Variants in ABTB3 observed in about 807,000 individuals in gnomAD.
ABTB3 encodes ankyrin repeat and BTB domain containing 3.
At chr12:107,385,780 T>C in the ABTB3 span, among the ~76,000 whole-genome samples, 2 of 152,212 alleles carry the variant, frequency 1.3e-5, no homozygotes, top group African/African-American at 4.8e-5. Context: ...GGCAGTCTTA[T>C]GAGAATGGGC....
the ABTB3 span, among the ~76,000 whole-genome samples, chr12:107,541,829 G>A: frequency 6.6e-6 from 1 of 151,690 alleles, no homozygotes; most frequent in Non-Finnish European, 1.5e-5. Context: ...TTTACCTGGT[G>A]ACAAAATAAT....
chr12:107,577,342 C>T, the ABTB3 span, among the ~76,000 whole-genome samples: 2 of 152,194 alleles, frequency 1.3e-5, no homozygotes, highest in Non-Finnish European at 2.9e-5. Context: ...CAGTGAGTTA[C>T]GGGCAGATCC....
the ABTB3 span, among the ~76,000 whole-genome samples, chr12:107,601,347 A>G: frequency 5.3e-5 from 8 of 152,246 alleles, no homozygotes; most frequent in Non-Finnish European, 1.0e-4. Flanking sequence ...GTAGAATTGC[A>G]TAATGATGAT....
chr12:107,394,678 A>G, the ABTB3 span, among the ~76,000 whole-genome samples: 2 of 152,192 alleles, frequency 1.3e-5, no homozygotes, highest in Non-Finnish European at 2.9e-5. Context: ...CGGCAAGATA[A>G]TATTTTCCTC....
chr12:107,573,991 G>A, the ABTB3 span, among the ~76,000 whole-genome samples: 112 of 152,274 alleles, frequency 7.4e-4, no homozygotes, highest in African/African-American at 2.3e-3. Context: ...TGTCTTTCTC[G>A]AGTGTTTATA....
At chr12:107,560,804 C>T in the ABTB3 span, among the ~76,000 whole-genome samples, 1 of 152,186 alleles carries the variant, frequency 6.6e-6, no homozygotes, top group Non-Finnish European at 1.5e-5. Flanking sequence ...GTTCATTGCA[C>T]GTGCACTTGG....
the ABTB3 span, among the ~76,000 whole-genome samples, chr12:107,333,051 A>T: frequency 2.0e-5 from 3 of 152,160 alleles, no homozygotes; most frequent in Non-Finnish European, 4.4e-5. Flanking sequence ...GTTGTTAAGG[A>T]AGAACAAGGG....
the ABTB3 span, among the ~76,000 whole-genome samples, chr12:107,597,652 G>T: frequency 6.6e-6 from 1 of 152,188 alleles, no homozygotes; most frequent in Non-Finnish European, 1.5e-5. Context: ...GGTATTTTCT[G>T]AGTTCATGTA....
chr12:107,331,308 G>T, the ABTB3 span, among the ~76,000 whole-genome samples: 1 of 152,172 alleles, frequency 6.6e-6, no homozygotes, highest in Non-Finnish European at 1.5e-5. Flanking sequence ...GGTGCTTCCC[G>T]CCCTCATGGA....
At chr12:107,487,278 A>C in the ABTB3 span, among the ~76,000 whole-genome samples, 1 of 152,164 alleles carries the variant, frequency 6.6e-6, no homozygotes, top group Non-Finnish European at 1.5e-5. Flanking sequence ...TGGGCTCAGC[A>C]AGTGGGTCAA....
At chr12:107,348,284 TACACACACAC>T in the ABTB3 span, among the ~76,000 whole-genome samples, 2 of 151,966 alleles carry the variant, frequency 1.3e-5, no homozygotes, top group African/African-American at 4.8e-5. Context: ...TACTCATATC[TACACACACAC>T]ACGCACACAC....
the ABTB3 span, among the ~76,000 whole-genome samples, chr12:107,370,531 C>G: frequency 6.6e-6 from 1 of 152,186 alleles, no homozygotes; most frequent in Admixed American, 6.5e-5. Context: ...TGCCTGGCTC[C>G]CCTTCCTCTC....
the ABTB3 span, among the ~76,000 whole-genome samples, chr12:107,452,752 A>G: frequency 6.6e-6 from 1 of 152,132 alleles, no homozygotes; most frequent in African/African-American, 2.4e-5. Context: ...GAGGCAGGAG[A>G]ATCATTCGAA....
At chr12:107,559,498 G>A in the ABTB3 span, among the ~76,000 whole-genome samples, 1 of 152,216 alleles carries the variant, frequency 6.6e-6, no homozygotes, top group Non-Finnish European at 1.5e-5. Flanking sequence ...AGAGGGGCCT[G>A]CAGAGAGAAA....
the ABTB3 span, among the ~76,000 whole-genome samples, chr12:107,415,068 G>T: frequency 6.6e-6 from 1 of 152,120 alleles, no homozygotes; most frequent in Non-Finnish European, 1.5e-5. Context: ...GCTTCCGTCT[G>T]AACTTCCAAG....
At chr12:107,351,210 A>G in the ABTB3 span, among the ~76,000 whole-genome samples, 28 of 152,326 alleles carry the variant, frequency 1.8e-4, no homozygotes, top group African/African-American at 6.7e-4. Context: ...CCTCATTCCT[A>G]CCTCATGCAG....
chr12:107,518,420 G>T, the ABTB3 span, among the ~76,000 whole-genome samples: 2 of 152,068 alleles, frequency 1.3e-5, no homozygotes, highest in East Asian at 3.9e-4. Flanking sequence ...ACACTATGCA[G>T]CCATAAAAAA....
the ABTB3 span, among the ~76,000 whole-genome samples, chr12:107,487,715 T>C: frequency 6.6e-6 from 1 of 152,146 alleles, no homozygotes; most frequent in Non-Finnish European, 1.5e-5. Flanking sequence ...AGACCCCAAC[T>C]ATATTTTTGC....
chr12:107,398,277 C>A, the ABTB3 span, among the ~76,000 whole-genome samples: 6 of 152,160 alleles, frequency 3.9e-5, no homozygotes, highest in Admixed American at 2.0e-4. Flanking sequence ...TTTCCTGAAG[C>A]CTGGTGTTTA....
Sources: allele counts gnomAD v4.1 joint callset (sites outside exome capture counted in the v4.1 genomes callset), GRCh38; gene constraint gnomAD v4.1.1; transcripts MANE v1.5; gene names NCBI Gene and HGNC (gene_info 2026-07-23, HGNC 2026-07-21).